Variants in TMEM132D observed in about 807,000 individuals in gnomAD.
TMEM132D encodes mature OL transmembrane protein.
In TMEM132D, 21 loss-of-function variants were observed where a neutral mutation model predicts 62.3. That is an observed-to-expected ratio of 0.34 (90% CI 0.24 to 0.49). The LOEUF is 0.49. TMEM132D is among the 20% of genes least tolerant of loss of function. TMEM132D has a pLI of 0.99. For missense variants in TMEM132D, 1,346 were observed against 1,402.8 expected (o/e 0.96, Z 0.65); for synonymous variants, 621 against 575.6 (o/e 1.08, Z -1.13).
At chr12:129,828,976 C>T (rs540354139) in intron 1 of TMEM132D, among the ~76,000 whole-genome samples, 67 of 151,638 alleles carry the variant, frequency 4.4e-4, no homozygotes, top group Admixed American at 1.6e-3. Flanking sequence ...AGGAGGTGGC[C>T]GAGGGAATTA....
At chr12:129,348,788 T>A (rs561074093) in intron 3 of TMEM132D, among the ~76,000 whole-genome samples, 1 of 152,192 alleles carries the variant, frequency 6.6e-6, no homozygotes, top group Non-Finnish European at 1.5e-5. Flanking sequence ...GAGGGAGCCA[T>A]TGGCACCTGA....
chr12:129,815,482 G>A (rs1173127871), intron 1 of TMEM132D, among the ~76,000 whole-genome samples: 1 of 152,174 alleles, frequency 6.6e-6, no homozygotes, highest in Non-Finnish European at 1.5e-5. Flanking sequence ...GCTATTCTGG[G>A]GGGGTGACTG....
At chr12:129,646,614 C>A (rs1404909130) in intron 2 of TMEM132D, among the ~76,000 whole-genome samples, 1 of 152,146 alleles carries the variant, frequency 6.6e-6, no homozygotes, top group Admixed American at 6.5e-5. Flanking sequence ...TCTCTCTCCA[C>A]TGAACTCTCT....
At chr12:129,429,601 T>C (rs574117357) in intron 3 of TMEM132D, among the ~76,000 whole-genome samples, 118 of 150,738 alleles carry the variant, frequency 7.8e-4, no homozygotes, top group African/African-American at 2.8e-3. Flanking sequence ...TTTTTTAATA[T>C]ACTTTAAGTT....
At chr12:129,148,835 C>T (rs1442381161) in intron 5 of TMEM132D, among the ~76,000 whole-genome samples, 1 of 151,788 alleles carries the variant, frequency 6.6e-6, no homozygotes, top group African/African-American at 2.4e-5. Flanking sequence ...CGCCCCCACC[C>T]TCCCCAAGAG....
At chr12:129,830,582 C>T (rs1872800322) in intron 1 of TMEM132D, among the ~76,000 whole-genome samples, 2 of 152,094 alleles carry the variant, frequency 1.3e-5, no homozygotes, top group African/African-American at 4.8e-5. Flanking sequence ...TATCCTTCTT[C>T]CATAAATTGA....
At chr12:129,626,090 G>GGA (rs1005599990) in intron 2 of TMEM132D, among the ~76,000 whole-genome samples, 1 of 141,144 alleles carries the variant, frequency 7.1e-6, no homozygotes, top group African/African-American at 2.6e-5. Flanking sequence ...GTTGAGCTGG[G>GGA]AAAAAAAAAA....
intron 3 of TMEM132D, among the ~76,000 whole-genome samples, chr12:129,453,729 C>A (rs2135728193): frequency 6.6e-6 from 1 of 152,286 alleles, no homozygotes; most frequent in African/African-American, 2.4e-5. Context: ...TGTTTGCTCC[C>A]TAACAGTTTT....
At chr12:129,557,558 A>AT (rs1210530796) in intron 2 of TMEM132D, among the ~76,000 whole-genome samples, 4 of 152,034 alleles carry the variant, frequency 2.6e-5, no homozygotes, top group African/African-American at 7.2e-5. Flanking sequence ...CTACAAAAAA[A>AT]TCAGAAAATT....
intron 2 of TMEM132D, among the ~76,000 whole-genome samples, chr12:129,548,569 C>T (rs551935111): frequency 3.3e-5 from 5 of 152,306 alleles, no homozygotes; most frequent in African/African-American, 1.2e-4. Context: ...TAGGTAATGG[C>T]CTGTTCTTTT....
Position 129,839,189 on chromosome 12 carries a change from T to G in TMEM132D, c.79+64072A>C, listed in dbSNP as rs186956535. 3.0e-4 allele frequency among the ~76,000 whole-genome samples: 42 copies of G among 138,742 alleles called. No individual in the cohort carries two copies. The East Asian group carries it at 9.1e-3, about 30-fold the overall frequency. The allele number at this position is 138,742 out of a possible 152,430, so 91.0% of individuals were successfully genotyped here. On this transcript the variant is annotated intron_variant, in intron 1 of 8. Coordinates refer to ENST00000422113, the MANE Select transcript of TMEM132D (RefSeq NM_133448.3). ...CACTGTCGCCTGGGCTAGAGTACAG[T>G]GATGCGATCTCAGCCCCGCAACCTT...
chr12:129,340,291 C>T (rs1869426564), intron 3 of TMEM132D, among the ~76,000 whole-genome samples: 2 of 151,640 alleles, frequency 1.3e-5, no homozygotes, highest in Admixed American at 6.6e-5. Flanking sequence ...TGAAAATATT[C>T]TATGTTGGGA....
intron 1 of TMEM132D, among the ~76,000 whole-genome samples, chr12:129,722,807 TCA>T (rs1868889947): frequency 6.6e-6 from 1 of 151,002 alleles, no homozygotes; most frequent in African/African-American, 2.4e-5. Context: ...TGGTGTGATC[TCA>T]GTTCACTGCA....
At chr12:129,854,653 G>C (rs1318420167) in intron 1 of TMEM132D, 1 of 152,262 alleles carries the variant, frequency 6.6e-6, no homozygotes. Context: ...AACGTGGACT[G>C]TGTGCCAGCT....
chr12:129,156,934 C>T (rs1194082620), intron 5 of TMEM132D, among the ~76,000 whole-genome samples: 2 of 152,078 alleles, frequency 1.3e-5, no homozygotes, highest in African/African-American at 2.4e-5. Flanking sequence ...ATAACTAACC[C>T]ACTCCTGTGA....
At chr12:129,321,957 A>G (rs1359813032) in intron 4 of TMEM132D, among the ~76,000 whole-genome samples, 1 of 148,368 alleles carries the variant, frequency 6.7e-6, no homozygotes, top group African/African-American at 2.5e-5. Context: ...CTGCATTGGC[A>G]CTGTATATTC....
At chr12:129,537,493 G>A (rs11060412) in intron 2 of TMEM132D, among the ~76,000 whole-genome samples, 51,867 of 151,992 alleles carry the variant, frequency 0.34, 9,973 homozygotes, top group African/African-American at 0.53. Context: ...AAGTGTTCAT[G>A]TCAATATTCA....
At chr12:129,680,188 A>C (rs2137207523) in intron 2 of TMEM132D, among the ~76,000 whole-genome samples, 1 of 152,300 alleles carries the variant, frequency 6.6e-6, no homozygotes, top group South Asian at 2.1e-4. Context: ...GGTTAGTATT[A>C]TATTTCTTCC....
chr12:129,825,585 T>G (rs1872642672), intron 1 of TMEM132D, among the ~76,000 whole-genome samples: 1 of 152,154 alleles, frequency 6.6e-6, no homozygotes, highest in Non-Finnish European at 1.5e-5. Flanking sequence ...CCAAGCCCAG[T>G]GTCTCTTCTC....
Sources: allele counts gnomAD v4.1 joint callset (sites outside exome capture counted in the v4.1 genomes callset), GRCh38; gene constraint gnomAD v4.1.1; transcripts MANE v1.5; gene names NCBI Gene and HGNC (gene_info 2026-07-23, HGNC 2026-07-21).